The following FAM219A variants were observed in gnomAD, a reference collection of about 807,000 sequenced individuals.
FAM219A encodes the protein protein FAM219A.
FAM219A carries 7 observed loss-of-function variants against 23.4 expected under a neutral mutation model. The observed-to-expected ratio is 0.30, with a 90% CI of 0.17 to 0.56. The LOEUF (loss-of-function observed/expected upper bound fraction) is 0.56. FAM219A is among the 20% of genes least tolerant of loss of function. The pLI, the probability that FAM219A is intolerant of heterozygous loss-of-function variation, is 0.92. For missense variants in FAM219A, 166 were observed against 246.9 expected (o/e 0.67, Z 2.20); for synonymous variants, 93 against 99.0 (o/e 0.94, Z 0.36).
intron 1 of FAM219A, among the ~76,000 whole-genome samples, chr9:34,410,452 G>C (rs1355405188): frequency 6.6e-6 from 1 of 152,222 alleles, no homozygotes; most frequent in Non-Finnish European, 1.5e-5. Flanking sequence ...GGAAGAGTCT[G>C]CTTTCCTGAA....
At chr9:34,442,542 G>A (rs1382741240) in intron 1 of FAM219A, among the ~76,000 whole-genome samples, 1 of 151,934 alleles carries the variant, frequency 6.6e-6, no homozygotes, top group African/African-American at 2.4e-5. Flanking sequence ...AAAATTAGGC[G>A]GGCATGATAG....
At chr9:34,420,954 T>C (rs1470431238) in intron 1 of FAM219A, among the ~76,000 whole-genome samples, 1 of 149,944 alleles carries the variant, frequency 6.7e-6, no homozygotes, top group African/African-American at 2.5e-5. Context: ...CACTCCAGCC[T>C]GGGTGACAGA....
chr9:34,405,911 C>T lies in FAM219A; in HGVS notation c.114G>A (p.Glu38=). 6.2e-7 allele frequency: 1 copy of T among 1,613,890 alleles called. No homozygotes were observed. The highest frequency in any genetic ancestry group is 8.5e-7 in the Non-Finnish European group (1 of 1,179,866). ...SDGDCDAREG[E]SVAMNYKPSP... The stretch of plus-strand genomic sequence containing the variant: ...ATGGTTTGTAATTCATGGCTACTGA[C>T]TCACCCTCCCGGGCGTCACAGTCTC... Residue 38 remains glutamate, a synonymous_variant, in exon 2 of 6, where the codon GAG becomes GAA. Coordinates refer to ENST00000651358, the MANE Select transcript of FAM219A (RefSeq NM_001184940.2).
At chr9:34,412,932 C>G (rs1821875841) in intron 1 of FAM219A, among the ~76,000 whole-genome samples, 1 of 152,064 alleles carries the variant, frequency 6.6e-6, no homozygotes, top group South Asian at 2.1e-4. Flanking sequence ...TTTAAAAGAG[C>G]AAGACTGAGA....
rs1823726501 is a variant in FAM219A at position 34,456,278 on chromosome 9, T to C, written c.60+1926A>G. On this transcript the variant is annotated intron_variant, in intron 1 of 5. Coordinates refer to ENST00000651358, the MANE Select transcript of FAM219A (RefSeq NM_001184940.2). ...TGAAGGCAGTCAGAGCTTTTCTAAGTGCCTCCTTGCCACAGATGCTTCTCC... is the reference window on the plus strand; with the variant it reads ...TGAAGGCAGTCAGAGCTTTTCTAAGCGCCTCCTTGCCACAGATGCTTCTCC... Among the ~76,000 whole-genome samples, 3 of 152,348 alleles carry C rather than the reference T, an allele frequency of 2.0e-5. No homozygotes were observed. The South Asian group carries it at 6.2e-4, about 32-fold the overall frequency.
intron 1 of FAM219A, among the ~76,000 whole-genome samples, chr9:34,436,867 A>C (rs1276392291): frequency 2.0e-5 from 3 of 152,236 alleles, no homozygotes; most frequent in African/African-American, 7.2e-5. Flanking sequence ...TGGTGTTAGA[A>C]TGAGATGAAA....
At chr9:34,439,579 G>A (rs1048749169) in intron 1 of FAM219A, among the ~76,000 whole-genome samples, 2 of 152,102 alleles carry the variant, frequency 1.3e-5, no homozygotes, top group African/African-American at 2.4e-5. Context: ...CCTCTGTGAT[G>A]AAACTATAGC....
intron 2 of FAM219A, 24 bp from the exon 3 acceptor site, chr9:34,402,831 G>T: frequency 6.2e-7 from 1 of 1,608,582 alleles, no homozygotes; most frequent in Non-Finnish European, 8.5e-7. Context: ...TGGGAAGGAA[G>T]CTGTGTCCTG....
chr9:34,451,584 C>A (rs1564019825), intron 1 of FAM219A, among the ~76,000 whole-genome samples: 1 of 152,128 alleles, frequency 6.6e-6, no homozygotes, highest in Admixed American at 6.6e-5. Flanking sequence ...GTGAGAGGGT[C>A]CCTGAGACTA....
At chr9:34,416,808 A>ATG (rs60995496) in intron 1 of FAM219A, among the ~76,000 whole-genome samples, 53,176 of 113,280 alleles carry the variant, frequency 0.47, 12,689 homozygotes, top group Middle Eastern at 0.61. Flanking sequence ...TCAGCTCTCC[A>ATG]TTTTTTTTTT....
chr9:34,446,625 G>T (rs1167683154), intron 1 of FAM219A, among the ~76,000 whole-genome samples: 1 of 152,180 alleles, frequency 6.6e-6, no homozygotes, highest in Admixed American at 6.5e-5. Context: ...TCCCACCATG[G>T]CTCTGGTTCT....
intron 1 of FAM219A, among the ~76,000 whole-genome samples, chr9:34,414,991 A>T (rs907441071): frequency 6.6e-6 from 1 of 152,080 alleles, no homozygotes; most frequent in Non-Finnish European, 1.5e-5. Flanking sequence ...TCACTCTGTC[A>T]TCCAAGCTGG....
chr9:34,433,003 T>C (rs1352311490), intron 1 of FAM219A, among the ~76,000 whole-genome samples: 1 of 152,208 alleles, frequency 6.6e-6, no homozygotes, highest in East Asian at 1.9e-4. Flanking sequence ...TGGCTTATTA[T>C]TGAAATAATT....
Position 34,414,543 on chromosome 9 carries a change from C to T in FAM219A, c.61-8579G>A, listed in dbSNP as rs534033450. On this transcript the variant is annotated intron_variant, in intron 1 of 5. Transcript: ENST00000651358. ...TAAAATAAAATAAAATAAAATAAAA[C>T]AAAATAAAAAGGTCCTTAGGGATCC... Among the ~76,000 whole-genome samples the T allele has an allele frequency of 9.9e-5, 15 of 152,242 alleles. No individual in the cohort carries two copies. In the South Asian group the frequency reaches 2.7e-3, roughly 27 times the overall value.
chr9:34,456,137 G>A (rs1271372584), intron 1 of FAM219A, among the ~76,000 whole-genome samples: 1 of 152,152 alleles, frequency 6.6e-6, no homozygotes, highest in African/African-American at 2.4e-5. Flanking sequence ...AGGTTGCATT[G>A]GGCCAAGATC....
At position 34,398,894 on chromosome 9, in the gene FAM219A, CTTTG is replaced by C. The variant is rs1425762131; in HGVS notation, c.*2066_*2069del. The C allele has an allele frequency of 1.3e-5, 2 of 156,626 alleles. No homozygotes were observed. The highest frequency in any genetic ancestry group is 2.4e-5 in the African/African-American group (1 of 41,400). 9.7% of individuals were successfully genotyped at this position (156,626 alleles called of 1,614,324 possible). On this transcript the variant is annotated 3_prime_UTR_variant, in exon 6 of 6. Coordinates refer to ENST00000651358, the MANE Select transcript of FAM219A (RefSeq NM_001184940.2). Reference sequence around the variant, plus strand: ...AGGTACCTTCTCTGTCCTTGCCTCCCTTTGTTTGGCATTTTCTCATCATCTAACT... The same window carrying C: ...AGGTACCTTCTCTGTCCTTGCCTCCCTTTGGCATTTTCTCATCATCTAACT...
chr9:34,458,058 TC>T lies in FAM219A; in HGVS notation c.60+145del. ...TCCCACGGTTTTCTTGTCCTGCAAG[TC>T]CCCGTCCCCCGGCAATACGTTTTCA... On this transcript the variant is annotated intron_variant, in intron 1 of 5. Transcript: ENST00000651358. This position sits in a 1 kb window ranked among gnomAD's most constrained non-coding sequence, Gnocchi z 6.6. 1 of 741,874 alleles carries T rather than the reference TC, an allele frequency of 1.3e-6. No homozygotes were observed. The highest frequency in any genetic ancestry group is 2.0e-6 in the Non-Finnish European group (1 of 500,864). The allele number at this position is 741,874 out of a possible 1,614,324, so 46.0% of individuals were successfully genotyped here. A position where few individuals can be genotyped will look rare whatever the true frequency, so the allele number is the denominator to read the frequency against.
At chr9:34,440,723 G>A (rs1390560276) in intron 1 of FAM219A, among the ~76,000 whole-genome samples, 4 of 151,842 alleles carry the variant, frequency 2.6e-5, no homozygotes, top group East Asian at 1.9e-4. Flanking sequence ...GGTGGCGGGC[G>A]CCTGTAGTCC....
intron 1 of FAM219A, among the ~76,000 whole-genome samples, chr9:34,421,721 C>T (rs545680948): frequency 1.3e-3 from 194 of 151,816 alleles, no homozygotes; most frequent in Non-Finnish European, 2.4e-3. Flanking sequence ...CATACAACCT[C>T]TACCTCTTCT....
Sources: allele counts gnomAD v4.1 joint callset (sites outside exome capture counted in the v4.1 genomes callset), GRCh38; gene constraint gnomAD v4.1.1; non-coding constraint Gnocchi (gnomAD v3.1); transcripts MANE v1.5; gene names NCBI Gene and HGNC (gene_info 2026-07-23, HGNC 2026-07-21).